Variants in DNM1L observed in about 807,000 individuals in gnomAD.
DNM1L encodes the protein dynamin-1-like protein.
DNM1L carries 33 observed loss-of-function variants against 92.8 expected under a neutral mutation model. The ratio of observed to expected loss-of-function variants is 0.36; its 90% CI spans 0.27 to 0.48. DNM1L has a LOEUF of 0.48. DNM1L is among the 20% of genes least tolerant of loss of function. DNM1L has a pLI of 0.99. For synonymous variants in DNM1L, 284 were observed against 305.0 expected (o/e 0.93, Z 0.72); for missense variants, 485 against 888.8 (o/e 0.55, Z 5.78).
intron 1 of DNM1L, among the ~76,000 whole-genome samples, chr12:32,681,802 C>G (rs1951817695): frequency 6.6e-6 from 1 of 151,852 alleles, no homozygotes; most frequent in Admixed American, 6.6e-5. Context: ...CTTAGTTCTG[C>G]CTAGTATACC....
chr12:32,718,914 G>A, intron 7 of DNM1L, 151 bp downstream of exon 7: 2 of 1,177,996 alleles, frequency 1.7e-6, no homozygotes, highest in Non-Finnish European at 2.5e-6. Context: ...TCTTGGTATT[G>A]CTAAAGAATC....
At chr12:32,702,850 G>T (rs1321478814) in intron 2 of DNM1L, among the ~76,000 whole-genome samples, 3 of 152,066 alleles carry the variant, frequency 2.0e-5, no homozygotes, top group Non-Finnish European at 2.9e-5. Flanking sequence ...TAGCTTCTGG[G>T]TATGTTATTC....
Position 32,731,448 on chromosome 12 carries a change from T to C in DNM1L, c.1293T>C (p.Cys431=). ...IKRLEEPSLR[C]VELVHEEMQR... is the part of the protein sequence containing the mutation. ...GTCTAGAAGAGCCCAGCCTCCGCTG[T>C]GTGGAACTGGTTCATGAGGAAATGC... The change falls in exon 11 of 20, where the codon TGT becomes TGC. Residue 431 remains cysteine (C), a synonymous_variant. Transcript: ENST00000549701. The surrounding 1 kb of genome is among the most constrained non-coding windows in gnomAD (Gnocchi z 5.1). The C allele has an allele frequency of 6.2e-7, 1 of 1,614,184 alleles. No homozygotes were observed. Among genetic ancestry groups the C allele is most frequent in the South Asian group, 1.1e-5 (1 of 91,082 alleles).
At chr12:32,706,022 T>TTTTGA in intron 2 of DNM1L, 1 of 582,964 alleles carries the variant, frequency 1.7e-6, no homozygotes, top group Non-Finnish European at 2.8e-6. Flanking sequence ...TTTTTTGGCA[T>TTTTGA]TGCATCAAAA....
intron 16 of DNM1L, 67 bp downstream of exon 16, chr12:32,738,363 A>T: frequency 6.5e-7 from 1 of 1,544,108 alleles, no homozygotes; most frequent in East Asian, 2.3e-5. Context: ...TGTCTATACC[A>T]CCATTAAAGA....
At chr12:32,720,939 A>C (rs1174628590) in intron 8 of DNM1L, 144 bp downstream of exon 8, 2 of 1,003,742 alleles carry the variant, frequency 2.0e-6, no homozygotes, top group Admixed American at 4.5e-5. Context: ...CCTGAAGAGT[A>C]GATGTCTCTG....
chr12:32,690,350 C>G (rs1207018060), intron 1 of DNM1L, among the ~76,000 whole-genome samples: 3 of 152,108 alleles, frequency 2.0e-5, no homozygotes, highest in East Asian at 1.9e-4. Flanking sequence ...TTAAAAAAAT[C>G]AGAAAATCTG....
At chr12:32,684,074 G>T (rs1592557643) in intron 1 of DNM1L, among the ~76,000 whole-genome samples, 1 of 152,156 alleles carries the variant, frequency 6.6e-6, no homozygotes, top group African/African-American at 2.4e-5. Context: ...CCCTTATAAA[G>T]TATACACAAC....
chr12:32,722,798 A>G (rs957014576), intron 9 of DNM1L, 165 bp downstream of exon 9: 2 of 545,704 alleles, frequency 3.7e-6, no homozygotes, highest in African/African-American at 3.8e-5. Flanking sequence ...GTGTGAAAAT[A>G]TGCTTTGTAA....
At position 32,743,727 on chromosome 12, in the gene DNM1L, G is replaced by GATGAC. The variant is rs778823708; in HGVS notation, c.*318_*322dup. Reference sequence around the variant, plus strand: ...TGCAAAGCAGTTTGCCTGTGGATAAGATGACCTGTGTAATAATCTTTGTTA... The same window carrying GATGAC: ...TGCAAAGCAGTTTGCCTGTGGATAAGATGACATGACCTGTGTAATAATCTTTGTTA... On this transcript the variant is annotated 3_prime_UTR_variant, in exon 20 of 20. Coordinates refer to ENST00000549701, the MANE Select transcript of DNM1L (RefSeq NM_012062.5). The GATGAC allele has an allele frequency of 3.6e-5, 13 of 357,422 alleles. No homozygotes were observed. The South Asian group carries it at 4.0e-4, about 11-fold the overall frequency. 22.1% of individuals were successfully genotyped at this position (357,422 alleles called of 1,614,324 possible). A position where few individuals can be genotyped will look rare whatever the true frequency, so the allele number is the denominator to read the frequency against.
intron 6 of DNM1L, among the ~76,000 whole-genome samples, chr12:32,716,236 A>T (rs1022916891): frequency 1.5e-5 from 2 of 132,622 alleles, no homozygotes; most frequent in Non-Finnish European, 3.2e-5. Context: ...GCATAAGAAA[A>T]TTTGGTGGGG....
At position 32,745,069 on chromosome 12, in the gene DNM1L, AAACAT is replaced by A. The variant is rs1253235010; in HGVS notation, c.*1662_*1666del. 6.1e-6 allele frequency: 3 copies of A among 493,626 alleles called. No homozygotes were observed. Among genetic ancestry groups the A allele is most frequent in the South Asian group, 4.5e-5 (3 of 66,348 alleles). The allele number at this position is 493,626 out of a possible 1,614,324, so 30.6% of individuals were successfully genotyped here. ...AACAACAGGCTCACCAACTGATGTC[AAACAT>A]AAAAACCCCCACATCAGTCTGATAC... is the stretch of plus-strand genomic sequence containing the variant. On this transcript the variant is annotated 3_prime_UTR_variant, in exon 20 of 20. Coordinates refer to ENST00000549701, the MANE Select transcript of DNM1L (RefSeq NM_012062.5).
At chr12:32,722,356 A>G (rs1362468690) in intron 8 of DNM1L, 71 bp from the exon 9 acceptor site, 2 of 1,300,746 alleles carry the variant, frequency 1.5e-6, no homozygotes, top group Non-Finnish European at 2.2e-6. Context: ...CCCATTGTAA[A>G]AATTTGACTT....
rs1463255546 is a variant in DNM1L at position 32,696,415 on chromosome 12, C to CACAA, written c.103-4999_103-4998insCAAA. Among the ~76,000 whole-genome samples the CACAA allele has an allele frequency of 4.8e-5, 7 of 144,420 alleles. 1 individual carries two copies. Among genetic ancestry groups the CACAA allele is most frequent in the Admixed American group, 1.4e-4 (2 of 14,552 alleles). 94.7% of individuals were successfully genotyped at this position (144,420 alleles called of 152,430 possible). The stretch of plus-strand genomic sequence containing the variant: ...ACACACACACACACACACACACACA[C>CACAA]AATATAGTGAGACCCTGTCTACACA... On this transcript the variant is annotated intron_variant, in intron 1 of 19. Transcript: ENST00000549701.
chr12:32,743,827 G>T lies in DNM1L; in HGVS notation c.*417G>T. On this transcript the variant is annotated 3_prime_UTR_variant, in exon 20 of 20. Coordinates refer to ENST00000549701, the MANE Select transcript of DNM1L (RefSeq NM_012062.5). Reference sequence around the variant, plus strand: ...AACATTTCATATGACTATAATGCATGTACTATATAAGCTGATCTGGCTTTG... The same window carrying T: ...AACATTTCATATGACTATAATGCATTTACTATATAAGCTGATCTGGCTTTG... The T allele has an allele frequency of 4.9e-6, 1 of 203,322 alleles. No homozygotes were observed. The highest frequency in any genetic ancestry group is 5.3e-5 in the Admixed American group (1 of 18,860). The allele number at this position is 203,322 out of a possible 1,614,324, so 12.6% of individuals were successfully genotyped here.
chr12:32,727,694 A>G (rs913831945), intron 9 of DNM1L, among the ~76,000 whole-genome samples: 1 of 152,192 alleles, frequency 6.6e-6, no homozygotes, highest in Non-Finnish European at 1.5e-5. Flanking sequence ...TCATGTAACA[A>G]ATAACTTTCT....
chr12:32,717,341 C>G lies in DNM1L; in HGVS notation c.620-1302C>G, dbSNP rs7138115. ...ATATACACTATATATTTTATATATA[C>G]TATATATTATATATAGTATATATAA... On this transcript the variant is annotated intron_variant, in intron 6 of 19. Transcript: ENST00000549701. Among the ~76,000 whole-genome samples the G allele has an allele frequency of 8.8e-4, 73 of 82,940 alleles. 1 individual carries two copies. Among genetic ancestry groups the G allele is most frequent in the African/African-American group, 3.3e-3 (64 of 19,688 alleles). The allele number at this position is 82,940 out of a possible 152,430, so 54.4% of individuals were successfully genotyped here. A position where few individuals can be genotyped will look rare whatever the true frequency, so the allele number is the denominator to read the frequency against.
intron 6 of DNM1L, among the ~76,000 whole-genome samples, chr12:32,713,724 C>G (rs7971644): frequency 0.19 from 28,300 of 151,974 alleles, 3,133 homozygotes; most frequent in African/African-American, 0.32. Context: ...ATGTGCCTGC[C>G]GTCCCAGCTA....
At chr12:32,681,062 C>T (rs1951782280) in intron 1 of DNM1L, among the ~76,000 whole-genome samples, 1 of 152,020 alleles carries the variant, frequency 6.6e-6, no homozygotes, top group South Asian at 2.1e-4. Flanking sequence ...TTATTTTGGT[C>T]AGTAAACCTG....
Sources: gnomAD v4.1 joint callset for allele counts (sites outside exome capture counted in the v4.1 genomes callset) on GRCh38, gnomAD v4.1.1 for gene constraint, Gnocchi (gnomAD v3.1) non-coding constraint, MANE v1.5 for transcripts, NCBI Gene and HGNC (gene_info 2026-07-23, HGNC 2026-07-21) for gene names.